Variants in NSUN5 observed in about 807,000 individuals in gnomAD.
The protein encoded by NSUN5 is 28S rRNA (cytosine-C(5))-methyltransferase.
In NSUN5, 39 loss-of-function variants were observed where a neutral mutation model predicts 51.1. That is an observed-to-expected ratio of 0.76 (90% CI 0.59 to 1.00). NSUN5 has a LOEUF of 1.00. NSUN5 is among the 50% of genes least tolerant of loss of function. The pLI is 0.00. For synonymous variants in NSUN5, 266 were observed against 271.5 expected (o/e 0.98, Z 0.20); for missense variants, 526 against 614.0 (o/e 0.86, Z 1.51).
In NSUN5 at chr7:73,308,715, AC is replaced by A; in HGVS notation, c.75del (p.Tyr26ThrfsTer8). 6.2e-7 allele frequency: 1 copy of A among 1,609,920 alleles called. No homozygotes were observed. The highest frequency in any genetic ancestry group is 8.5e-7 in the Non-Finnish European group (1 of 1,178,804). ...TCCGCTACCTGGAAGTTGCTGGAGT[AC>A]ACCAACCCCTTGATAGAGCCCTGGC... ...ESRQGSIKGL[V>X]YSSNFQNVKQ... On this transcript the variant is annotated frameshift_variant, in exon 1 of 10. Transcript: ENST00000438747. LOFTEE classifies it high-confidence loss of function.
At chr7:73,308,604 G>C (rs782460116) in intron 1 of NSUN5, 51 bp from the exon 2 acceptor site, 12 of 1,586,154 alleles carry the variant, frequency 7.6e-6, no homozygotes, top group Non-Finnish European at 1.0e-5. Context: ...GGCCCTCCTC[G>C]CCGGGCCCCA....
In NSUN5 at chr7:73,303,716, C is replaced by T. The variant is rs1554541161; in HGVS notation, c.1170G>A (p.Trp390Ter). Residue 390 changes from tryptophan to a stop codon, truncating the protein, a stop_gained, in exon 9 of 10, where the codon TGG becomes TGA. Transcript: ENST00000438747. LOFTEE classifies it high-confidence loss of function. ...GGAACGTGCTCAGGCCTCGGTGGGGCCAGGCAGGCAGGGCGGGAGCTAGCC... is the reference window on the plus strand; with the variant it reads ...GGAACGTGCTCAGGCCTCGGTGGGGTCAGGCAGGCAGGGCGGGAGCTAGCC... ...AFRLAPALPA[W>*]PHRGLSTFPG... The T allele has an allele frequency of 1.9e-6, 3 of 1,614,074 alleles. No homozygotes were observed. The highest frequency in any genetic ancestry group is 3.3e-5 in the Admixed American group (2 of 60,000).
At chr7:73,306,310 G>A (rs1804036541) in intron 4 of NSUN5, among the ~76,000 whole-genome samples, 1 of 146,090 alleles carries the variant, frequency 6.8e-6, no homozygotes, top group Non-Finnish European at 1.5e-5. Flanking sequence ...CTTGAACCCA[G>A]GAGGCAGAGG....
Position 73,303,235 on chromosome 7 carries a change from A to T in NSUN5, c.*180T>A. On this transcript the variant is annotated 3_prime_UTR_variant, in exon 10 of 10. Transcript: ENST00000438747. ...AAAAAACTGTGATCTATCGTAGAGTACGTTCTGCATTTTATTTTTGCAGGC... is the reference window on the plus strand; with the variant it reads ...AAAAAACTGTGATCTATCGTAGAGTTCGTTCTGCATTTTATTTTTGCAGGC... 2.5e-6 allele frequency: 4 copies of T among 1,584,422 alleles called. No individual in the cohort carries two copies. In the South Asian group the frequency reaches 4.5e-5, roughly 18 times the overall value.
rs782309288 is a variant in NSUN5, at chr7:73,308,764, G to T, written c.27C>A (p.Gly9=). 6.2e-7 allele frequency: 1 copy of T among 1,612,950 alleles called. No homozygotes were observed. MGLYAAAA[G]VLAGVESRQG... Reference sequence around the variant, plus strand: ...GGCGGCTCTCCACGCCGGCCAACACGCCTGCAGCTGCAGCATACAGCCCCA... The same window carrying T: ...GGCGGCTCTCCACGCCGGCCAACACTCCTGCAGCTGCAGCATACAGCCCCA... Residue 9 remains glycine, a synonymous_variant, in exon 1 of 10, where the codon GGC becomes GGA. Transcript: ENST00000438747.
At chr7:73,308,394 G>C (rs567701748) in intron 2 of NSUN5, 37 bp downstream of exon 2, 3 of 1,560,132 alleles carry the variant, frequency 1.9e-6, no homozygotes, top group South Asian at 2.3e-5. Flanking sequence ...AGCGCTGACC[G>C]TCGGGGTTCA....
chr7:73,303,964 C>G lies in NSUN5; in HGVS notation c.1007G>C (p.Gly336Ala), dbSNP rs1274681506. 6.2e-7 allele frequency: 1 copy of G among 1,614,154 alleles called. No homozygotes were observed. Among genetic ancestry groups the G allele is most frequent in the African/African-American group, 1.3e-5 (1 of 75,056 alleles). The change falls in exon 8 of 10, where the codon GGG becomes GCG. Residue 336 changes from glycine (G) to alanine (A), a missense_variant. Gly to Ala is a moderately conservative substitution (Grantham distance 60). Coordinates refer to ENST00000438747, the MANE Select transcript of NSUN5 (RefSeq NM_148956.4). ...PSPVRLHALAGFQQRALCHAL... is the reference protein window; with the variant it reads ...PSPVRLHALAAFQQRALCHAL... ...GTGGCACAGGGCTCGCTGCTGGAACCCTGCCAGGGCATGCAGACGCACCGG... is the reference window on the plus strand; with the variant it reads ...GTGGCACAGGGCTCGCTGCTGGAACGCTGCCAGGGCATGCAGACGCACCGG...
rs1554542135 is a variant in NSUN5, at chr7:73,307,720, C to T, written c.254G>A (p.Arg85Gln). 5 of 1,584,488 alleles carry T rather than the reference C, an allele frequency of 3.2e-6. No homozygotes were observed. Among genetic ancestry groups the T allele is most frequent in the Non-Finnish European group, 2.6e-6 (3 of 1,165,612 alleles). ...VYELLLGKGF[R>Q]GGGGRWKALL... ...AGCCTTCCATCGGCCCCCACCCCCT[C>T]GAAAGCCCTTTCCCAACAACAACTC... Residue 85 changes from arginine (R) to glutamine (Q), a missense_variant, in exon 3 of 10, where the codon CGA becomes CAA. Physicochemically the swap from Arg to Gln is conservative, Grantham distance 43 (BLOSUM62 1). Transcript: ENST00000438747.
chr7:73,305,557 C>T (rs1586461485), intron 4 of NSUN5, among the ~76,000 whole-genome samples: 2 of 151,310 alleles, frequency 1.3e-5, no homozygotes, highest in South Asian at 2.1e-4. Flanking sequence ...CTCCACCTCC[C>T]GGGTTCACGC....
chr7:73,304,251 C>T lies in NSUN5; in HGVS notation c.913G>A (p.Asp305Asn). ...RYHEVHYILL[D>N]PSCSGSGMPS... is the part of the protein sequence containing the mutation. ...TCACCCGAGCCACTGCAGGAAGGAT[C>T]CAGCAGGATGTAGTGGACCTCATGG... Residue 305 changes from aspartate to asparagine, a missense_variant, in exon 7 of 10, where the codon GAT becomes AAT. By Grantham distance (23) the Asp-to-Asn change is conservative. Coordinates refer to ENST00000438747, the MANE Select transcript of NSUN5 (RefSeq NM_148956.4). The T allele has an allele frequency of 6.2e-7, 1 of 1,613,012 alleles. No individual in the cohort carries two copies. The highest frequency in any genetic ancestry group is 8.5e-7 in the Non-Finnish European group (1 of 1,179,512).
At chr7:73,304,885 C>T in intron 5 of NSUN5, 23 bp from the exon 6 acceptor site, 1 of 1,613,844 alleles carries the variant, frequency 6.2e-7, no homozygotes, top group Non-Finnish European at 8.5e-7. Context: ...GCACAGGAGC[C>T]AGGTAAACAG....
chr7:73,304,103 C>T, intron 7 of NSUN5, 67 bp from the exon 8 acceptor site: 1 of 1,578,376 alleles, frequency 6.3e-7, no homozygotes, highest in Non-Finnish European at 8.7e-7. Context: ...CCTCGCTTCA[C>T]AGAGGAGAAC....
intron 3 of NSUN5, 33 bp downstream of exon 3, chr7:73,307,550 G>GCCGGCCCCCCCC: frequency 8.6e-7 from 1 of 1,165,554 alleles, no homozygotes; most frequent in Non-Finnish European, 1.3e-6. Flanking sequence ...AAAGTTCCCC[G>GCCGGCCCCCCCC]CCTCCCCCAC....
rs1554541529 is a variant in NSUN5 at position 73,304,750 on chromosome 7, T to C, written c.752A>G (p.Gln251Arg). The change falls in exon 6 of 10, where the codon CAA (glutamine) becomes CGA (arginine). Residue 251 changes from glutamine to arginine, a missense_variant. Gln to Arg is a conservative substitution (Grantham distance 43, BLOSUM62 1). Transcript: ENST00000438747. ...TSHLAALLKN[Q>R]GKIFAFDLDA... The stretch of plus-strand genomic sequence containing the variant: ...CTCCTCCTCCTGTGGCACTCACCCT[T>C]GGTTCTTCAGAAGAGCAGCCAAGTG... 6.2e-7 allele frequency: 1 copy of C among 1,607,196 alleles called. No individual in the cohort carries two copies. Among genetic ancestry groups the C allele is most frequent in the South Asian group, 1.1e-5 (1 of 90,934 alleles).
chr7:73,307,206 A>G (rs1227280761), intron 4 of NSUN5, among the ~76,000 whole-genome samples, 188 bp downstream of exon 4: 2 of 152,080 alleles, frequency 1.3e-5, no homozygotes, highest in Non-Finnish European at 2.9e-5. Flanking sequence ...ATCAAGAAGA[A>G]TGTAGGATGA....
rs1347447586 is a variant in NSUN5, at chr7:73,307,662, A to T, written c.312T>A (p.Ala104=). The T allele has an allele frequency of 1.2e-6, 2 of 1,611,680 alleles. No homozygotes were observed. The highest frequency in any genetic ancestry group is 3.3e-4 in the Middle Eastern group (2 of 6,038). The change falls in exon 3 of 10, where the codon GCT becomes GCA. Residue 104 remains alanine, a synonymous_variant. Coordinates refer to ENST00000438747, the MANE Select transcript of NSUN5 (RefSeq NM_148956.4). ...GATGAACCTTGAGCCGAGCCAACTC[A>T]GCCTTGAGCCTCGCCTGGTGCCGGC... is the stretch of plus-strand genomic sequence containing the variant. ...LLGRHQARLK[A]ELARLKVHRG... is the part of the protein sequence containing the mutation.
chr7:73,308,228 T>C, intron 2 of NSUN5: 1 of 672,542 alleles, frequency 1.5e-6, no homozygotes, highest in Non-Finnish European at 2.4e-6. Flanking sequence ...TACCACTTTG[T>C]ACTTCGGTTA....
chr7:73,304,839 C>T lies in NSUN5; in HGVS notation c.663G>A (p.Leu221=), dbSNP rs1586460046. ...QDRASCLPAM[L]LDPPPGSHVI... Reference sequence around the variant, plus strand: ...CATGGGAGCCTGGCGGGGGGTCCAGCAGCATGGCTGGGAGACAGCTGGCCT... The same window carrying T: ...CATGGGAGCCTGGCGGGGGGTCCAGTAGCATGGCTGGGAGACAGCTGGCCT... Residue 221 remains leucine, a synonymous_variant, in exon 6 of 10, where the codon CTG becomes CTA. Coordinates refer to ENST00000438747, the MANE Select transcript of NSUN5 (RefSeq NM_148956.4). The T allele has an allele frequency of 1.2e-6, 2 of 1,613,928 alleles. No homozygotes were observed. Among genetic ancestry groups the T allele is most frequent in the East Asian group, 4.5e-5 (2 of 44,866 alleles).
At position 73,303,074 on chromosome 7, in the gene NSUN5, T is replaced by C; in HGVS notation, c.*341A>G. The C allele has an allele frequency of 2.2e-6, 3 of 1,389,266 alleles. No individual in the cohort carries two copies. Among genetic ancestry groups the C allele is most frequent in the Non-Finnish European group, 2.8e-6 (3 of 1,071,836 alleles). The allele number at this position is 1,389,266 out of a possible 1,614,324, so 86.1% of individuals were successfully genotyped here. The stretch of plus-strand genomic sequence containing the variant: ...AACCCTGAGTGAGTGTGAGTGTGGA[T>C]GTGTACAGTACACGCACTGGACGGC... On this transcript the variant is annotated 3_prime_UTR_variant, in exon 10 of 10. Transcript: ENST00000438747.
Sources: allele counts gnomAD v4.1 joint callset (sites outside exome capture counted in the v4.1 genomes callset), GRCh38; gene constraint gnomAD v4.1.1; transcripts MANE v1.5; gene names NCBI Gene and HGNC (gene_info 2026-07-23, HGNC 2026-07-21).